The following TYR variants were observed in gnomAD, a reference collection of about 807,000 sequenced individuals.
TYR encodes LB24-AB.
Under a neutral mutation model 51.5 loss-of-function variants are expected in TYR, and 58 were observed. That is an observed-to-expected ratio of 1.13 (90% CI 0.91 to 1.40). The LOEUF is 1.40. Among genes scored for constraint, TYR ranks in the 40% most tolerant of loss-of-function variants. The pLI is 0.00. For synonymous variants in TYR, 263 were observed against 235.2 expected, an observed-to-expected ratio of 1.12 and a Z score of -1.08; for missense variants, 732 against 647.4, an observed-to-expected ratio of 1.13 and a Z score of -1.42.
chr11:89,179,552 CA>C (rs56159338), intron 1 of TYR, among the ~76,000 whole-genome samples: 36,943 of 149,580 alleles, frequency 0.25, 4,686 homozygotes, highest in Non-Finnish European at 0.29. Context: ...TAATAAGCAG[CA>C]AAAAAAAAAT....
chr11:89,198,639 T>G (rs999755674), intron 2 of TYR, among the ~76,000 whole-genome samples: 2 of 152,134 alleles, frequency 1.3e-5, no homozygotes, highest in Non-Finnish European at 2.9e-5. Flanking sequence ...TTTCATTGAT[T>G]AAACTAAAGC....
chr11:89,292,536 G>A (rs1944862601), intron 4 of TYR, among the ~76,000 whole-genome samples: 1 of 152,030 alleles, frequency 6.6e-6, no homozygotes, highest in South Asian at 2.1e-4. Context: ...CAGAATTATT[G>A]TTTAAATATA....
At chr11:89,207,579 T>A (rs1333712356) in intron 2 of TYR, among the ~76,000 whole-genome samples, 1 of 152,188 alleles carries the variant, frequency 6.6e-6, no homozygotes, top group Non-Finnish European at 1.5e-5. Flanking sequence ...TGTTCCAGAA[T>A]GTAGAAGGGA....
intron 3 of TYR, among the ~76,000 whole-genome samples, chr11:89,259,596 T>A (rs1944433841): frequency 6.6e-6 from 1 of 152,106 alleles, no homozygotes; most frequent in Non-Finnish European, 1.5e-5. Context: ...AATAAAATAG[T>A]AAGCCAAAGT....
intron 2 of TYR, among the ~76,000 whole-genome samples, chr11:89,217,105 T>A (rs1175575154): frequency 1.3e-5 from 2 of 152,226 alleles, no homozygotes; most frequent in African/African-American, 4.8e-5. Context: ...TACCATAATG[T>A]TCTGTCACAG....
chr11:89,221,414 T>G (rs2135277105), intron 2 of TYR, among the ~76,000 whole-genome samples: 1 of 152,318 alleles, frequency 6.6e-6, no homozygotes, highest in Middle Eastern at 3.4e-3. Context: ...TAAATGCTAA[T>G]TAATTACATT....
intron 2 of TYR, among the ~76,000 whole-genome samples, chr11:89,212,690 T>A (rs1591158592): frequency 6.6e-6 from 1 of 152,274 alleles, no homozygotes; most frequent in East Asian, 1.9e-4. Context: ...AAATCCTCAA[T>A]AAAATACTGG....
chr11:89,289,333 A>G (rs1944830493), intron 4 of TYR, among the ~76,000 whole-genome samples: 1 of 152,036 alleles, frequency 6.6e-6, no homozygotes, highest in Non-Finnish European at 1.5e-5. Flanking sequence ...AATTTGTTCA[A>G]TAGCTCTGTT....
intron 3 of TYR, among the ~76,000 whole-genome samples, chr11:89,237,304 C>G (rs930405741): frequency 2.6e-5 from 4 of 152,118 alleles, no homozygotes; most frequent in Non-Finnish European, 5.9e-5. Flanking sequence ...AGCGTTCCCC[C>G]CATTTTCTTC....
At chr11:89,284,688 T>C (rs1328312625) in intron 3 of TYR, 85 bp from the exon 4 acceptor site, 7 of 1,198,056 alleles carry the variant, frequency 5.8e-6, no homozygotes, top group South Asian at 2.6e-5. Flanking sequence ...GATTTTAATA[T>C]ATGCCTTATT....
intron 3 of TYR, among the ~76,000 whole-genome samples, chr11:89,236,297 T>G (rs796709678): frequency 6.6e-6 from 1 of 152,060 alleles, no homozygotes; most frequent in African/African-American, 2.4e-5. Flanking sequence ...CCCACCTATA[T>G]TTAAAGAAAG....
chr11:89,217,309 A>G (rs1198717924), intron 2 of TYR, among the ~76,000 whole-genome samples: 1 of 152,194 alleles, frequency 6.6e-6, no homozygotes, highest in East Asian at 1.9e-4. Flanking sequence ...TTAGTGATGT[A>G]ATCCAATAAA....
intron 4 of TYR, among the ~76,000 whole-genome samples, chr11:89,285,303 C>A (rs1351392292): frequency 6.6e-6 from 1 of 151,694 alleles, no homozygotes; most frequent in East Asian, 1.9e-4. Context: ...GTTTATTCAC[C>A]TGAAATACTG....
At chr11:89,258,018 A>G (rs1288187612) in intron 3 of TYR, among the ~76,000 whole-genome samples, 2 of 151,970 alleles carry the variant, frequency 1.3e-5, no homozygotes, top group East Asian at 1.9e-4. Flanking sequence ...AAACTTAACA[A>G]TGTGAAATTG....
At chr11:89,276,241 T>C (rs1161912751) in intron 3 of TYR, among the ~76,000 whole-genome samples, 2 of 151,858 alleles carry the variant, frequency 1.3e-5, no homozygotes, top group Non-Finnish European at 2.9e-5. Context: ...TGATCCTGAA[T>C]TTCTGAAATA....
At chr11:89,263,729 C>T (rs757978355) in intron 3 of TYR, among the ~76,000 whole-genome samples, 7 of 151,926 alleles carry the variant, frequency 4.6e-5, no homozygotes, top group Non-Finnish European at 7.4e-5. Flanking sequence ...ATTAAGAAAA[C>T]AATTTCAGTA....
intron 4 of TYR, among the ~76,000 whole-genome samples, chr11:89,291,996 A>G (rs891139909): frequency 5.3e-5 from 8 of 151,984 alleles, no homozygotes; most frequent in Non-Finnish European, 1.2e-4. Context: ...GTATGCTATG[A>G]TTACGTTTGT....
At chr11:89,199,721 T>G (rs1338185091) in intron 2 of TYR, among the ~76,000 whole-genome samples, 2 of 152,208 alleles carry the variant, frequency 1.3e-5, no homozygotes, top group Non-Finnish European at 2.9e-5. Flanking sequence ...CCACCTTCTC[T>G]GTAATCTTCA....
chr11:89,186,599 G>A (rs539352798), intron 1 of TYR, among the ~76,000 whole-genome samples: 2 of 152,254 alleles, frequency 1.3e-5, no homozygotes, highest in Non-Finnish European at 2.9e-5. Flanking sequence ...GAGGTTGGGT[G>A]TTGATCCCAT....
Sources: allele counts gnomAD v4.1 joint callset (sites outside exome capture counted in the v4.1 genomes callset), GRCh38; gene constraint gnomAD v4.1.1; transcripts MANE v1.5; gene names NCBI Gene and HGNC (gene_info 2026-07-23, HGNC 2026-07-21).